CUL9: variants seen among roughly 807,000 people sequenced by gnomAD.
CUL9 encodes cullin 9.
A neutral mutation model predicts 272.6 loss-of-function variants in CUL9; 79 were observed. The ratio of observed to expected loss-of-function variants is 0.29; its 90% confidence interval spans 0.24 to 0.35. CUL9 has a LOEUF of 0.35. Ranked by LOEUF, CUL9 falls within the 10% of genes least tolerant of loss-of-function variation. The pLI is 1.00. For missense variants in CUL9, 2,532 were observed against 3,255.6 expected (o/e 0.78, Z 5.41); for synonymous variants, 1,186 against 1,286.5 (o/e 0.92, Z 1.67).
In CUL9 at chr6:43,220,748, A is replaced by T. The variant is rs762382398; in HGVS notation, c.6425A>T (p.Tyr2142Phe). The change falls in exon 33 of 41, where the codon TAT becomes TTT. Residue 2142 changes from tyrosine (Y) to phenylalanine (F), a missense_variant and splice_region_variant. Tyr to Phe is a conservative substitution (Grantham distance 22, BLOSUM62 3). Around this residue, in one of 3 missense-constraint regions of CUL9, gnomAD observed 2,218 missense variants for 2,788.6 expected, o/e 0.80. Transcript: ENST00000252050. This position sits in a 1 kb window ranked among gnomAD's most constrained non-coding sequence, Gnocchi z 4.9. ...IVSSPEVISK[Y>F]EKALLRGYVE... ...CTCGTGGCACCTGCGTCTCCACAGT[A>T]TGAGAAGGCGCTCCTGCGTGGCTAT... is the stretch of plus-strand genomic sequence containing the variant. The T allele has an allele frequency of 2.4e-5, 39 of 1,612,280 alleles. No homozygotes were observed. Among genetic ancestry groups the T allele is most frequent in the Non-Finnish European group, 3.2e-5 (38 of 1,179,792 alleles).
At chr6:43,190,207 A>G (rs1252018805) in intron 8 of CUL9, among the ~76,000 whole-genome samples, 3 of 151,292 alleles carry the variant, frequency 2.0e-5, no homozygotes, top group Non-Finnish European at 2.9e-5. Flanking sequence ...TTTTTAATCT[A>G]TCTAATTGGC....
In CUL9 at chr6:43,220,843, G is replaced by C. The variant is rs768213315; in HGVS notation, c.6520G>C (p.Gly2174Arg). ...QGCDRILCRQGLGCGTTCSKC... is the reference protein window; with the variant it reads ...QGCDRILCRQRLGCGTTCSKC... Reference sequence around the variant, plus strand: ...CTGCGACCGCATCCTGTGCCGCCAGGGCCTGGGCTGTGGGACCACCTGCTC... The same window carrying C: ...CTGCGACCGCATCCTGTGCCGCCAGCGCCTGGGCTGTGGGACCACCTGCTC... Residue 2174 changes from glycine (G) to arginine (R), a missense_variant, in exon 33 of 41, where the codon GGC becomes CGC. Physicochemically the swap from Gly to Arg is moderately radical, Grantham distance 125. This residue lies in a region of CUL9 where 77 missense variants were observed against 161.1 expected (regional missense o/e 0.48). Transcript: ENST00000252050. The surrounding 1 kb of genome is among the most constrained non-coding windows in gnomAD (Gnocchi z 4.9). 4 of 1,613,670 alleles carry C rather than the reference G, an allele frequency of 2.5e-6. No individual in the cohort carries two copies. Among genetic ancestry groups the C allele is most frequent in the Non-Finnish European group, 2.5e-6 (3 of 1,179,974 alleles).
Position 43,223,245 on chromosome 6 carries a change from G to C in CUL9, c.7151-19G>C. 6.3e-7 allele frequency: 1 copy of C among 1,586,986 alleles called. No homozygotes were observed. The highest frequency in any genetic ancestry group is 1.1e-5 in the South Asian group (1 of 87,490). On this transcript the variant is annotated intron_variant, in intron 38 of 40. Coordinates refer to ENST00000252050, the MANE Select transcript of CUL9 (RefSeq NM_015089.4). This position sits in a 1 kb window ranked among gnomAD's most constrained non-coding sequence, Gnocchi z 4.1. ...GAGAATGAGAAGGGAGGGAGCCTCT[G>C]TGCCTGCCCCCTCTGCAGAGGAAAC...
In CUL9 at chr6:43,213,447, G is replaced by A. The variant is rs1488245397; in HGVS notation, c.5368G>A (p.Val1790Ile). 1 of 1,614,172 alleles carries A rather than the reference G, an allele frequency of 6.2e-7. No individual in the cohort carries two copies. Among genetic ancestry groups the A allele is most frequent in the Non-Finnish European group, 8.5e-7 (1 of 1,180,026 alleles). Residue 1790 changes from valine (V) to isoleucine (I), a missense_variant, in exon 28 of 41, where the codon GTA becomes ATA. Coordinates refer to ENST00000252050, the MANE Select transcript of CUL9 (RefSeq NM_015089.4). The surrounding 1 kb of genome is among the most constrained non-coding windows in gnomAD (Gnocchi z 5.7). ...CGTTTCTGCTCATCAGGAGGTGTCA[G>A]TAGAGACCTTGCTGAAGGATTCTGA... ...LKFNQTEEVS[V>I]ETLLKDSDLS...
rs960188433 is a variant in CUL9 at position 43,200,766 on chromosome 6, C to T, written c.3579C>T (p.Tyr1193=). 15 of 1,614,270 alleles carry T rather than the reference C, an allele frequency of 9.3e-6. No homozygotes were observed. The highest frequency in any genetic ancestry group is 1.2e-5 in the Non-Finnish European group (14 of 1,180,046). The change falls in exon 16 of 41, where the codon TAC becomes TAT. Residue 1193 remains tyrosine (Y), a synonymous_variant. Transcript: ENST00000252050. This position sits in a 1 kb window ranked among gnomAD's most constrained non-coding sequence, Gnocchi z 4.0. ...SKLTDHNPKT[Y]WESNGSTGSH... is the part of the protein sequence containing the mutation. ...TGACGGACCACAACCCCAAGACCTA[C>T]TGGGAGTCCAACGGCAGCACCGGCT...
chr6:43,219,293 C>G (rs1776157841), intron 31 of CUL9, among the ~76,000 whole-genome samples: 1 of 152,154 alleles, frequency 6.6e-6, no homozygotes, highest in Non-Finnish European at 1.5e-5. Context: ...TTGGTCACAG[C>G]TGAGTGGCAC....
chr6:43,196,857 G>C lies in CUL9; in HGVS notation c.2798G>C (p.Arg933Pro), dbSNP rs377429586. ...RYSEPPGSPERAALETPIIQG... is the reference protein window; with the variant it reads ...RYSEPPGSPEPAALETPIIQG... ...TCAGAGCCGCCGGGCAGCCCTGAGC[G>C]TGCAGGTACCATTGTGGAGGGGTGG... Residue 933 changes from arginine (R) to proline (P), a missense_variant, in exon 11 of 41, where the codon CGT (arginine) becomes CCT (proline). Coordinates refer to ENST00000252050, the MANE Select transcript of CUL9 (RefSeq NM_015089.4). The C allele has an allele frequency of 2.5e-6, 4 of 1,613,598 alleles. No individual in the cohort carries two copies. In the Admixed American group the frequency reaches 5.0e-5, roughly 20 times the overall value.
chr6:43,191,355 C>G (rs200991596), intron 8 of CUL9, among the ~76,000 whole-genome samples: 1 of 149,266 alleles, frequency 6.7e-6, no homozygotes, highest in African/African-American at 2.5e-5. Flanking sequence ...GTCTGTTGAC[C>G]GGGCTGGAGT....
intron 9 of CUL9, among the ~76,000 whole-genome samples, chr6:43,195,315 A>T (rs556145222): frequency 6.6e-6 from 1 of 152,328 alleles, no homozygotes; most frequent in African/African-American, 2.4e-5. Context: ...TATAGTGTCT[A>T]TTTTAATTTA....
chr6:43,221,403 T>A lies in CUL9; in HGVS notation c.6752+82T>A. On this transcript the variant is annotated intron_variant, in intron 34 of 40. Coordinates refer to ENST00000252050, the MANE Select transcript of CUL9 (RefSeq NM_015089.4). This position sits in a 1 kb window ranked among gnomAD's most constrained non-coding sequence, Gnocchi z 4.2. ...CAGAAGGAGGGGGGAACGGGCTTAGTGTAAAGCTCAGCAAAAGAGGGTGGT... is the reference window on the plus strand; with the variant it reads ...CAGAAGGAGGGGGGAACGGGCTTAGAGTAAAGCTCAGCAAAAGAGGGTGGT... The A allele has an allele frequency of 6.8e-7, 1 of 1,463,504 alleles. No homozygotes were observed. The highest frequency in any genetic ancestry group is 9.1e-7 in the Non-Finnish European group (1 of 1,095,866). The allele number at this position is 1,463,504 out of a possible 1,614,324, so 90.7% of individuals were successfully genotyped here. A position where few individuals can be genotyped will look rare whatever the true frequency, so the allele number is the denominator to read the frequency against.
intron 26 of CUL9, among the ~76,000 whole-genome samples, chr6:43,211,727 C>T (rs1425479151): frequency 6.6e-6 from 1 of 152,112 alleles, no homozygotes; most frequent in Non-Finnish European, 1.5e-5. Flanking sequence ...TATATCAGCT[C>T]ATGGCCAATC....
At chr6:43,185,907 G>A (rs1772866952) in intron 3 of CUL9, 48 bp from the exon 4 acceptor site, 2 of 1,546,406 alleles carry the variant, frequency 1.3e-6, no homozygotes, top group Non-Finnish European at 1.7e-6. Context: ...AAGGGGAGAG[G>A]CTAAAGCCAG....
chr6:43,201,714 C>T lies in CUL9; in HGVS notation c.3647+880C>T, dbSNP rs577518762. On this transcript the variant is annotated intron_variant, in intron 16 of 40. Transcript: ENST00000252050. ...CAGGATGGTCTCGATCTCCTGACCT[C>T]GTGATCCGCCCGCCTTGGCCTCCCA... 9.8e-5 allele frequency among the ~76,000 whole-genome samples: 15 copies of T among 152,294 alleles called. No individual in the cohort carries two copies. In the South Asian group the frequency reaches 2.3e-3, roughly 23 times the overall value.
In CUL9 at chr6:43,200,057, G is replaced by A; in HGVS notation, c.3285G>A (p.Leu1095=). 1 of 1,614,254 alleles carries A rather than the reference G, an allele frequency of 6.2e-7. No individual in the cohort carries two copies. The highest frequency in any genetic ancestry group is 8.5e-7 in the Non-Finnish European group (1 of 1,180,048). The change falls in exon 14 of 41, where the codon CTG becomes CTA. Residue 1095 remains leucine (L), a synonymous_variant. Coordinates refer to ENST00000252050, the MANE Select transcript of CUL9 (RefSeq NM_015089.4). This position sits in a 1 kb window ranked among gnomAD's most constrained non-coding sequence, Gnocchi z 4.0. The part of the protein sequence containing the change: ...SKVLDKHSAQ[L]LLGCELRDLV... Reference sequence around the variant, plus strand: ...TCCTGGACAAGCACTCAGCTCAGCTGCTGCTGGGCTGTGAGCTTCGGGACC... The same window carrying A: ...TCCTGGACAAGCACTCAGCTCAGCTACTGCTGGGCTGTGAGCTTCGGGACC...
intron 23 of CUL9, 47 bp from the exon 24 acceptor site, chr6:43,205,216 C>A: frequency 6.2e-7 from 1 of 1,602,848 alleles, no homozygotes; most frequent in South Asian, 1.1e-5. Flanking sequence ...GTCTCCTACT[C>A]CACTCCCTCA....
In CUL9 at chr6:43,220,516, A is replaced by T. The variant is rs1014997038; in HGVS notation, c.6340A>T (p.Thr2114Ser). ...RIEQNLVLNC[T>S]CPIADCPAQP... ...CGAGCAGAACCTTGTTTTGAATTGC[A>T]CCTGCCCCATTGCCGACTGCCCCGC... The change falls in exon 32 of 41, where the codon ACC becomes TCC. Residue 2114 changes from threonine to serine, a missense_variant. This residue lies in a region of CUL9 where 2,218 missense variants were observed against 2,788.6 expected (regional missense o/e 0.80). Coordinates refer to ENST00000252050, the MANE Select transcript of CUL9 (RefSeq NM_015089.4). The surrounding 1 kb of genome is among the most constrained non-coding windows in gnomAD (Gnocchi z 4.9). The T allele has an allele frequency of 2.5e-6, 4 of 1,613,834 alleles. No individual in the cohort carries two copies. The highest frequency in any genetic ancestry group is 2.5e-6 in the Non-Finnish European group (3 of 1,179,974).
intron 2 of CUL9, among the ~76,000 whole-genome samples, 191 bp downstream of exon 2, chr6:43,185,096 T>G (rs1232868269): frequency 6.6e-6 from 1 of 152,234 alleles, no homozygotes; most frequent in Non-Finnish European, 1.5e-5. Flanking sequence ...GCCTCTGGCT[T>G]ATCTGTTCAT....
Position 43,220,742 on chromosome 6 carries a change from C to CA in CUL9, c.6424-4dup. The CA allele has an allele frequency of 6.2e-7, 1 of 1,611,888 alleles. No individual in the cohort carries two copies. Among genetic ancestry groups the CA allele is most frequent in the Non-Finnish European group, 8.5e-7 (1 of 1,179,498 alleles). ...CCTCACCTCGTGGCACCTGCGTCTC[C>CA]ACAGTATGAGAAGGCGCTCCTGCGT... On this transcript the variant is annotated splice_polypyrimidine_tract_variant and splice_region_variant and intron_variant, in intron 32 of 40. Coordinates refer to ENST00000252050, the MANE Select transcript of CUL9 (RefSeq NM_015089.4). The surrounding 1 kb of genome is among the most constrained non-coding windows in gnomAD (Gnocchi z 4.9).
chr6:43,214,229 G>A (rs1225229451), intron 29 of CUL9, among the ~76,000 whole-genome samples: 1 of 152,118 alleles, frequency 6.6e-6, no homozygotes, highest in Non-Finnish European at 1.5e-5. Flanking sequence ...ATACCAGCCT[G>A]GCCAACATGG....
Sources: allele counts gnomAD v4.1 joint callset (sites outside exome capture counted in the v4.1 genomes callset), GRCh38; gene constraint gnomAD v4.1.1; regional missense constraint gnomAD v4.1.1; non-coding constraint Gnocchi (gnomAD v3.1); transcripts MANE v1.5; gene names NCBI Gene and HGNC (gene_info 2026-07-23, HGNC 2026-07-21).